The following KLF13 variants were observed in gnomAD, a reference collection of about 807,000 sequenced individuals.
The protein encoded by KLF13 is KLF transcription factor 13.
A neutral mutation model predicts 16.7 loss-of-function variants in KLF13; 8 were observed. The observed-to-expected ratio is 0.48, with a 90% CI of 0.28 to 0.87. The LOEUF (loss-of-function observed/expected upper bound fraction) is 0.87. Among genes scored for constraint, KLF13 ranks in the 40% least tolerant of loss-of-function variants. The pLI is 0.10. For missense variants in KLF13, 447 were observed against 452.2 expected, an observed-to-expected ratio of 0.99 and a Z score of 0.10; for synonymous variants, 245 against 208.4, an observed-to-expected ratio of 1.18 and a Z score of -1.51.
At chr15:31,420,435 AC>A in intron 1 of KLF13, 1 of 950,954 alleles carries the variant, frequency 1.1e-6, no homozygotes, top group East Asian at 3.0e-5. Context: ...ACATCCTGCT[AC>A]CACCCCAACA....
intron 1 of KLF13, among the ~76,000 whole-genome samples, chr15:31,422,674 A>G (rs2059609396): frequency 1.3e-5 from 2 of 152,342 alleles, no homozygotes; most frequent in South Asian, 4.1e-4. Context: ...GCCAATTTAT[A>G]TCAGACAAAA....
chr15:31,430,189 T>C (rs1318794876), intron 1 of KLF13, among the ~76,000 whole-genome samples: 1 of 152,080 alleles, frequency 6.6e-6, no homozygotes, highest in Admixed American at 6.6e-5. Flanking sequence ...AGGACACTAT[T>C]AAGAGAGTGA....
downstream of KLF13, among the ~76,000 whole-genome samples, chr15:31,409,494 C>T (rs2040166187): frequency 6.6e-6 from 1 of 150,926 alleles, no homozygotes; most frequent in South Asian, 2.1e-4. Context: ...GCTTAGATAA[C>T]ACCAAGCAGG....
At chr15:31,362,003 C>A (rs927840906) in intron 1 of KLF13, among the ~76,000 whole-genome samples, 1 of 152,136 alleles carries the variant, frequency 6.6e-6, no homozygotes, top group Non-Finnish European at 1.5e-5. Context: ...TCCTCATGAG[C>A]CCCTACAGTG....
chr15:31,400,471 C>G (rs937235576), intron 2 of KLF13, among the ~76,000 whole-genome samples: 1 of 152,016 alleles, frequency 6.6e-6, no homozygotes, highest in Admixed American at 6.6e-5. Context: ...AGTCAGCCAG[C>G]CTTACGAAGT....
Position 31,412,459 on chromosome 15 carries a change from C to CA in KLF13, n.117+18777dup, listed in dbSNP as rs201951523. 1.7e-3 allele frequency among the ~76,000 whole-genome samples: 237 copies of CA among 139,266 alleles called. 1 individual carries two copies. Among genetic ancestry groups the CA allele is most frequent in the African/African-American group, 4.7e-3 (179 of 37,708 alleles). The allele number at this position is 139,266 out of a possible 152,430, so 91.4% of individuals were successfully genotyped here. A position where few individuals can be genotyped will look rare whatever the true frequency, so the allele number is the denominator to read the frequency against. The stretch of plus-strand genomic sequence containing the variant: ...ACATGATTGTACATGCGGAAAAGTC[C>CA]AAAAAAAAACCACTATGAAAAAAAA... On this transcript the variant is annotated intron_variant and non_coding_transcript_variant, in intron 1 of 1. Transcript: ENST00000558225.
At chr15:31,368,330 T>A (rs1427996091) in intron 1 of KLF13, among the ~76,000 whole-genome samples, 1 of 152,188 alleles carries the variant, frequency 6.6e-6, no homozygotes, top group African/African-American at 2.4e-5. Context: ...TGCTGGACTT[T>A]CCCAAGCTTT....
chr15:31,361,421 C>T (rs2140956829), intron 1 of KLF13, among the ~76,000 whole-genome samples: 1 of 152,288 alleles, frequency 6.6e-6, no homozygotes. Context: ...TTGGTAGAGT[C>T]AGATGAGCCC....
exon 3 of KLF13, chr15:31,404,717 C>T (rs1338129590): frequency 6.6e-6 from 1 of 152,316 alleles, no homozygotes; most frequent in African/African-American, 2.4e-5. Flanking sequence ...GGCAATAAAT[C>T]TTGCTGCTGC....
In KLF13 at chr15:31,329,249, C is replaced by T. The variant is rs185219106; in HGVS notation, c.577+1460C>T. On this transcript the variant is annotated intron_variant, in intron 1 of 1. Transcript: ENST00000307145. Reference sequence around the variant, plus strand: ...TGTGGGCTCAGAGTTCAGCTCGGGACGCGGCTGCAGGGTGGGTGTGGCCCT... The same window carrying T: ...TGTGGGCTCAGAGTTCAGCTCGGGATGCGGCTGCAGGGTGGGTGTGGCCCT... Among the ~76,000 whole-genome samples the T allele has an allele frequency of 8.0e-3, 1,106 of 138,092 alleles. 19 individuals are homozygous for T. Among genetic ancestry groups the T allele is most frequent in the African/African-American group, 0.029 (1,067 of 36,322 alleles). The allele number at this position is 138,092 out of a possible 152,430, so 90.6% of individuals were successfully genotyped here. A position where few individuals can be genotyped will look rare whatever the true frequency, so the allele number is the denominator to read the frequency against.
At chr15:31,408,643 T>C (rs1019771736), downstream of KLF13, among the ~76,000 whole-genome samples, 2 of 152,124 alleles carry the variant, frequency 1.3e-5, no homozygotes, top group African/African-American at 4.8e-5. Context: ...GAAAATTATT[T>C]ACCTCTGTCA....
Position 31,348,668 on chromosome 15 carries a change from G to GAA in KLF13, c.577+20879_577+20880insAA, listed in dbSNP as rs549629843. On this transcript the variant is annotated intron_variant, in intron 1 of 1. Coordinates refer to ENST00000307145, the MANE Select transcript of KLF13 (RefSeq NM_015995.4). ...TGCATCTCAGGCCGCAGTGCCTTGG[G>GAA]CTCCAGTGGGGTGTCTCGGTGCTGG... is the stretch of plus-strand genomic sequence containing the variant. Among the ~76,000 whole-genome samples, 581 of 152,202 alleles carry GAA rather than the reference G, an allele frequency of 3.8e-3. 4 individuals are homozygous for GAA. Among genetic ancestry groups the GAA allele is most frequent in the African/African-American group, 0.013 (560 of 41,512 alleles).
chr15:31,364,961 T>A (rs2039443402), intron 1 of KLF13, among the ~76,000 whole-genome samples: 1 of 152,232 alleles, frequency 6.6e-6, no homozygotes, highest in African/African-American at 2.4e-5. Context: ...GCTGTATGCC[T>A]GAGTTTCATT....
chr15:31,415,809 A>G (rs2040247856), intron 1 of KLF13, among the ~76,000 whole-genome samples: 1 of 152,090 alleles, frequency 6.6e-6, no homozygotes, highest in Admixed American at 6.5e-5. Flanking sequence ...AGAGAATAAA[A>G]AACAATAGAT....
intron 2 of KLF13, among the ~76,000 whole-genome samples, chr15:31,398,064 A>G (rs2039980551): frequency 1.3e-5 from 2 of 152,182 alleles, no homozygotes; most frequent in East Asian, 1.9e-4. Flanking sequence ...GGAGCCTGCT[A>G]GGCCTGCGTC....
At chr15:31,333,991 C>T (rs1384304744) in intron 1 of KLF13, among the ~76,000 whole-genome samples, 1 of 152,052 alleles carries the variant, frequency 6.6e-6, no homozygotes, top group Non-Finnish European at 1.5e-5. Context: ...TGTCCTACTG[C>T]AGGATCACAT....
chr15:31,371,892 G>C (rs1267224652), intron 1 of KLF13, 118 bp from the exon 2 acceptor site: 8 of 1,130,156 alleles, frequency 7.1e-6, no homozygotes, highest in Non-Finnish European at 9.9e-6. Flanking sequence ...TCTTGGAGGT[G>C]GGGCATGTGG....
intron 1 of KLF13, among the ~76,000 whole-genome samples, chr15:31,410,607 ACACACACACACACACAC>A (rs2141000792): frequency 6.6e-6 from 1 of 151,092 alleles, no homozygotes; most frequent in South Asian, 2.1e-4. Context: ...ACACACACAC[ACACACACACACACACAC>A]ACCCCTATAA....
chr15:31,379,354 A>G (rs543604785), downstream of KLF13, among the ~76,000 whole-genome samples: 1 of 152,354 alleles, frequency 6.6e-6, no homozygotes, highest in East Asian at 1.9e-4. Flanking sequence ...TTTATTGCTC[A>G]GTAACTTCCC....
Sources: gnomAD v4.1 joint callset for allele counts (sites outside exome capture counted in the v4.1 genomes callset) on GRCh38, gnomAD v4.1.1 for gene constraint, MANE v1.5 for transcripts, NCBI Gene and HGNC (gene_info 2026-07-23, HGNC 2026-07-21) for gene names.